The following MYPN variants were observed in gnomAD, a reference collection of about 807,000 sequenced individuals.
MYPN encodes the protein myopalladin, also known as sarcomeric protein myopalladin, 145 kDa (MYOP).
MYPN carries 63 observed loss-of-function variants against 129.4 expected under a neutral mutation model. The observed-to-expected ratio is 0.49, with a 90% confidence interval of 0.40 to 0.60. MYPN has a LOEUF of 0.60. Among genes scored for constraint, MYPN ranks in the 20% least tolerant of loss-of-function variants. The pLI is 0.00. For missense variants in MYPN, 1,596 were observed against 1,635.4 expected, an observed-to-expected ratio of 0.98 and a Z score of 0.42; for synonymous variants, 629 against 600.9, an observed-to-expected ratio of 1.05 and a Z score of -0.68.
In MYPN at chr10:68,111,960, C is replaced by T. The variant is rs555310061; in HGVS notation, c.-2+2237C>T. Among the ~76,000 whole-genome samples, 4 of 152,206 alleles carry T rather than the reference C, an allele frequency of 2.6e-5. No homozygotes were observed. The South Asian group carries it at 8.3e-4, about 32-fold the overall frequency. On this transcript the variant is annotated intron_variant, in intron 1 of 19. Transcript: ENST00000358913. ...TAGCTTTTTTCAAATCCTTAATTAC[C>T]TTAAAAATGACACAAATAGTAAGAA... is the stretch of plus-strand genomic sequence containing the variant.
chr10:68,154,390 C>G (rs920429771), intron 6 of MYPN, among the ~76,000 whole-genome samples: 5 of 152,128 alleles, frequency 3.3e-5, no homozygotes, highest in African/African-American at 1.2e-4. Flanking sequence ...GCAGGGGAAG[C>G]GAGAATTTGA....
chr10:68,174,300 T>C lies in MYPN; in HGVS notation c.2208T>C (p.Thr736=). 1 of 1,614,146 alleles carries C rather than the reference T, an allele frequency of 6.2e-7. No individual in the cohort carries two copies. Among genetic ancestry groups the C allele is most frequent in the East Asian group, 2.2e-5 (1 of 44,884 alleles). Residue 736 remains threonine (T), a synonymous_variant, in exon 11 of 20, where the codon ACT becomes ACC. Transcript: ENST00000358913. ...FFPSTNTTAA[T]VAPSSSPVFT... The stretch of plus-strand genomic sequence containing the variant: ...CCTCCACGAACACCACCGCAGCAAC[T>C]GTGGCCCCTTCCAGCTCTCCGGTGT...
intron 2 of MYPN, among the ~76,000 whole-genome samples, chr10:68,134,422 G>A (rs979388448): frequency 6.6e-6 from 1 of 152,130 alleles, no homozygotes; most frequent in African/African-American, 2.4e-5. Context: ...CCTCCTCAAA[G>A]TAATTTAATG....
At chr10:68,099,819 A>G (rs1227096865) in intron 1 of MYPN, among the ~76,000 whole-genome samples, 1 of 152,148 alleles carries the variant, frequency 6.6e-6, no homozygotes, top group Non-Finnish European at 1.5e-5. Context: ...GGTAATACCA[A>G]TATCACCAGA....
At chr10:68,128,726 C>T (rs12220135) in intron 2 of MYPN, among the ~76,000 whole-genome samples, 47,703 of 151,930 alleles carry the variant, frequency 0.31, 8,298 homozygotes, top group East Asian at 0.66. Flanking sequence ...GACCAAACCT[C>T]ATGGGTTGGG....
rs2043463747 is a variant in MYPN, at chr10:68,188,891, T to G, written c.2704-14T>G. On this transcript the variant is annotated splice_polypyrimidine_tract_variant and intron_variant, in intron 12 of 19. Transcript: ENST00000358913. ...TGCCATATGGAAATTGAAACACGTT[T>G]GTCATTTTGACAGGAGTACAAAATT... is the stretch of plus-strand genomic sequence containing the variant. The G allele has an allele frequency of 9.9e-6, 16 of 1,610,436 alleles. No individual in the cohort carries two copies. In the East Asian group the frequency reaches 3.6e-4, roughly 36 times the overall value.
Position 68,197,492 on chromosome 10 carries a change from C to A in MYPN, c.3285+14C>A. 1.2e-6 allele frequency: 2 copies of A among 1,613,112 alleles called. No individual in the cohort carries two copies. The highest frequency in any genetic ancestry group is 2.2e-5 in the East Asian group (1 of 44,838). ...CTGGACTGTAAGGTAGACTCCAGCA[C>A]CCATGCTTAGTTCCAGATCTGTTCA... is the stretch of plus-strand genomic sequence containing the variant. On this transcript the variant is annotated intron_variant, in intron 16 of 19. Transcript: ENST00000358913.
intron 12 of MYPN, among the ~76,000 whole-genome samples, chr10:68,185,780 A>G (rs1313321370): frequency 3.3e-5 from 5 of 152,228 alleles, no homozygotes; most frequent in African/African-American, 1.2e-4. Flanking sequence ...AAGAAAAGTA[A>G]TATCAATTTA....
At chr10:68,178,938 C>T (rs556965661) in intron 12 of MYPN, among the ~76,000 whole-genome samples, 2 of 151,890 alleles carry the variant, frequency 1.3e-5, no homozygotes, top group South Asian at 4.2e-4. Flanking sequence ...TGGAAACTTT[C>T]CCATCTCGTT....
chr10:68,148,514 A>G, intron 5 of MYPN, 47 bp downstream of exon 5: 1 of 1,466,692 alleles, frequency 6.8e-7, no homozygotes. Flanking sequence ...TGTGACAGAC[A>G]GTCATGGTGA....
intron 2 of MYPN, among the ~76,000 whole-genome samples, chr10:68,133,095 G>A (rs888592942): frequency 7.0e-6 from 1 of 142,614 alleles, no homozygotes; most frequent in Non-Finnish European, 1.5e-5. Flanking sequence ...GCATGATCTC[G>A]ACTCACTGTA....
intron 12 of MYPN, among the ~76,000 whole-genome samples, chr10:68,183,744 C>T (rs982378807): frequency 2.6e-5 from 4 of 152,122 alleles, no homozygotes; most frequent in South Asian, 2.1e-4. Context: ...CCCCCAAAGG[C>T]CAGGTACAGT....
rs781334341 is a variant in MYPN at position 68,197,339 on chromosome 10, C to T, written c.3159-13C>T. On this transcript the variant is annotated splice_polypyrimidine_tract_variant and intron_variant, in intron 15 of 19. Transcript: ENST00000358913. ...TTTCTATGTTTAATATCTGAACATG[C>T]TTGTTGTTATAGGGGAAGATCCCGA... 3 of 1,611,796 alleles carry T rather than the reference C, an allele frequency of 1.9e-6. No homozygotes were observed. The highest frequency in any genetic ancestry group is 2.2e-5 in the South Asian group (2 of 91,038).
chr10:68,136,082 T>C (rs2042482808), intron 2 of MYPN: 1 of 247,550 alleles, frequency 4.0e-6, no homozygotes, highest in Non-Finnish European at 6.4e-6. Flanking sequence ...AAACAATGAG[T>C]CATAATATTT....
At chr10:68,193,772 G>A (rs1374933889) in intron 13 of MYPN, among the ~76,000 whole-genome samples, 1 of 148,130 alleles carries the variant, frequency 6.8e-6, no homozygotes, top group East Asian at 2.1e-4. Flanking sequence ...AACTTAACAG[G>A]AAATATATAG....
chr10:68,147,030 C>G (rs1345347409), intron 4 of MYPN, among the ~76,000 whole-genome samples: 1 of 152,122 alleles, frequency 6.6e-6, no homozygotes, highest in African/African-American at 2.4e-5. Flanking sequence ...TCACTTTCCC[C>G]CTCACAGTTT....
chr10:68,147,715 G>A (rs1031552261), intron 4 of MYPN, among the ~76,000 whole-genome samples: 3 of 151,986 alleles, frequency 2.0e-5, no homozygotes, highest in African/African-American at 7.2e-5. Flanking sequence ...GTTCTCCCTG[G>A]GGTCAGGTTC....
chr10:68,118,877 TGAA>T (rs1397681552), intron 1 of MYPN, among the ~76,000 whole-genome samples: 8 of 122,454 alleles, frequency 6.5e-5, no homozygotes, highest in Non-Finnish European at 1.0e-4. Flanking sequence ...AAAAGAGTGA[TGAA>T]GGAAGGAAGG....
intron 2 of MYPN, among the ~76,000 whole-genome samples, chr10:68,128,559 A>C (rs1350446573): frequency 6.6e-6 from 1 of 152,202 alleles, no homozygotes; most frequent in Admixed American, 6.5e-5. Flanking sequence ...ACTGTTGTAG[A>C]CACTAAGGTT....
Sources: gnomAD v4.1 joint callset for allele counts (sites outside exome capture counted in the v4.1 genomes callset) on GRCh38, gnomAD v4.1.1 for gene constraint, MANE v1.5 for transcripts, NCBI Gene and HGNC (gene_info 2026-07-23, HGNC 2026-07-21) for gene names.